SETD5: variants seen among roughly 807,000 people sequenced by gnomAD.
The protein encoded by SETD5 is SET domain containing 5, also known as histone-lysine N-methyltransferase SETD5.
SETD5 carries 44 observed loss-of-function variants against 153.3 expected under a neutral mutation model. The ratio of observed to expected loss-of-function variants is 0.29; its 90% CI spans 0.23 to 0.37. The LOEUF is 0.37. Ranked by LOEUF, SETD5 falls within the 10% of genes least tolerant of loss-of-function variation. The pLI, the probability that SETD5 is intolerant of heterozygous loss-of-function variation, is 1.00. For synonymous variants in SETD5, 716 were observed against 645.2 expected, an observed-to-expected ratio of 1.11 and a Z score of -1.66; for missense variants, 1,544 against 1,768.0, an observed-to-expected ratio of 0.87 and a Z score of 2.27.
Position 9,434,842 on chromosome 3 carries a change from G to T in SETD5, c.348G>T (p.Lys116Asn), listed in dbSNP as rs1368025017. The change falls in exon 6 of 23, where the codon AAG (lysine) becomes AAT (asparagine). Residue 116 changes from lysine (K) to asparagine (N), a missense_variant. Physicochemically the swap from Lys to Asn is moderately conservative, Grantham distance 94. Coordinates refer to ENST00000402198, the MANE Select transcript of SETD5 (RefSeq NM_001080517.3). This position sits in a 1 kb window ranked among gnomAD's most constrained non-coding sequence, Gnocchi z 5.6. ...TCTTTAGGGGAATGAGCAGGGGGAAGGTTATTAGACTTCATCGGCGGAAGC... is the reference window on the plus strand; with the variant it reads ...TCTTTAGGGGAATGAGCAGGGGGAATGTTATTAGACTTCATCGGCGGAAGC... ...CDKCRGMSRG[K>N]VIRLHRRKQD... The T allele has an allele frequency of 6.2e-7, 1 of 1,613,564 alleles. No individual in the cohort carries two copies. Among genetic ancestry groups the T allele is most frequent in the Non-Finnish European group, 8.5e-7 (1 of 1,179,766 alleles).
At chr3:9,411,906 C>G (rs1381878055) in intron 1 of SETD5, among the ~76,000 whole-genome samples, 1 of 152,122 alleles carries the variant, frequency 6.6e-6, no homozygotes, top group African/African-American at 2.4e-5. Flanking sequence ...TCTGACTTCA[C>G]AAGTATACCA....
chr3:9,404,434 A>G (rs562991850), intron 1 of SETD5, among the ~76,000 whole-genome samples: 1 of 152,320 alleles, frequency 6.6e-6, no homozygotes, highest in Non-Finnish European at 1.5e-5. Flanking sequence ...TATTATTGTA[A>G]TTAGTTGGAA....
chr3:9,421,058 A>T (rs75962927), intron 1 of SETD5, among the ~76,000 whole-genome samples: 13 of 143,484 alleles, frequency 9.1e-5, no homozygotes, highest in South Asian at 2.2e-4. Context: ...CACAACAGGT[A>T]TTTTTTTTTT....
chr3:9,431,360 C>G, intron 3 of SETD5: 1 of 985,270 alleles, frequency 1.0e-6, no homozygotes, highest in Admixed American at 6.1e-5. Context: ...GTGTCCAATT[C>G]AGTGATAGGA....
At chr3:9,475,401 G>A in intron 22 of SETD5, 82 bp from the exon 23 acceptor site, 1 of 1,514,982 alleles carries the variant, frequency 6.6e-7, no homozygotes, top group Non-Finnish European at 8.8e-7. Flanking sequence ...GAAGAAAAAA[G>A]AATGTAGGGT....
intron 19 of SETD5, among the ~76,000 whole-genome samples, chr3:9,471,786 C>A (rs1172599297): frequency 6.6e-6 from 1 of 152,154 alleles, no homozygotes; most frequent in African/African-American, 2.4e-5. Flanking sequence ...ATTTATTGAG[C>A]AGGGCCAGGG....
At chr3:9,452,403 T>C (rs973782204) in intron 16 of SETD5, among the ~76,000 whole-genome samples, 1 of 152,232 alleles carries the variant, frequency 6.6e-6, no homozygotes, top group African/African-American at 2.4e-5. Flanking sequence ...GCTTTAAGGC[T>C]ATATGTATGG....
intron 17 of SETD5, among the ~76,000 whole-genome samples, chr3:9,455,887 C>T (rs2043178553): frequency 6.6e-6 from 1 of 152,158 alleles, no homozygotes; most frequent in Admixed American, 6.5e-5. Context: ...TATTGTTGAG[C>T]TTCTGCCCTA....
chr3:9,414,775 T>C (rs1043574815), intron 1 of SETD5, among the ~76,000 whole-genome samples: 2 of 152,128 alleles, frequency 1.3e-5, no homozygotes, highest in African/African-American at 4.8e-5. Flanking sequence ...AAGTTATTAA[T>C]GGAGGTCTTC....
chr3:9,469,433 C>T (rs1242337662), intron 18 of SETD5, among the ~76,000 whole-genome samples: 1 of 152,122 alleles, frequency 6.6e-6, no homozygotes, highest in Admixed American at 6.5e-5. Context: ...TAACCCTATC[C>T]CCTTCCAATA....
intron 1 of SETD5, among the ~76,000 whole-genome samples, chr3:9,406,748 T>C (rs144612933): frequency 3.0e-4 from 46 of 152,264 alleles, no homozygotes; most frequent in African/African-American, 1.1e-3. Context: ...AATTTAGTAA[T>C]AGAACAAAAT....
chr3:9,421,072 T>TA (rs2038321054), intron 1 of SETD5, among the ~76,000 whole-genome samples: 2 of 151,894 alleles, frequency 1.3e-5, no homozygotes, highest in Admixed American at 1.3e-4. Flanking sequence ...TTTTTTTTTT[T>TA]ATTGTACAGA....
chr3:9,475,836 A>C lies in SETD5; in HGVS notation c.4074A>C (p.Ser1358=), dbSNP rs200296385. Residue 1358 remains serine (S), a synonymous_variant, in exon 23 of 23, where the codon TCA becomes TCC. Transcript: ENST00000402198. ...AGGGACCCTCAGACTCGCCAACCTC[A>C]GATTCAGTTTCTCAGTCCAGCACAG... ...TLQGPSDSPT[S]DSVSQSSTGT... 1 of 1,613,878 alleles carries C rather than the reference A, an allele frequency of 6.2e-7. No homozygotes were observed. Among genetic ancestry groups the C allele is most frequent in the Non-Finnish European group, 8.5e-7 (1 of 1,179,884 alleles).
At chr3:9,440,828 G>C (rs2041188061) in intron 8 of SETD5, 130 bp downstream of exon 8, 1 of 1,201,920 alleles carries the variant, frequency 8.3e-7, no homozygotes, top group African/African-American at 1.5e-5. Flanking sequence ...GCCAGGTGTT[G>C]ATCATATGTA....
At chr3:9,445,020 A>G in intron 11 of SETD5, 28 bp from the exon 12 acceptor site, 4 of 1,606,162 alleles carry the variant, frequency 2.5e-6, no homozygotes, top group Non-Finnish European at 3.4e-6. Context: ...GTACTGAGAC[A>G]GGCATTTTGG....
At chr3:9,456,191 G>C (rs1165372366) in intron 17 of SETD5, among the ~76,000 whole-genome samples, 1 of 141,844 alleles carries the variant, frequency 7.1e-6, no homozygotes, top group Non-Finnish European at 1.5e-5. Flanking sequence ...AGAAGTCTCT[G>C]AGGCTAGGCG....
intron 7 of SETD5, among the ~76,000 whole-genome samples, chr3:9,437,664 A>G (rs891473280): frequency 6.6e-6 from 1 of 152,132 alleles, no homozygotes; most frequent in Non-Finnish European, 1.5e-5. Context: ...AAATGATACA[A>G]AAGCAGGATC....
At chr3:9,399,406 TC>T (rs2034360286) in intron 1 of SETD5, among the ~76,000 whole-genome samples, 1 of 152,194 alleles carries the variant, frequency 6.6e-6, no homozygotes, top group Admixed American at 6.5e-5. Flanking sequence ...ATCAGAGGTT[TC>T]TGGGCTCCAT....
rs186330961 is a variant in SETD5 at position 9,415,761 on chromosome 3, T to C, written c.-176-8706T>C. Among the ~76,000 whole-genome samples the C allele has an allele frequency of 8.5e-5, 13 of 152,106 alleles. No individual in the cohort carries two copies. In the East Asian group the frequency reaches 1.9e-3, roughly 23 times the overall value. ...TGCACCACCACTCCTGGCTGTCTTA[T>C]TGTGTTGCCCAGGGTGGCCTCAAAA... On this transcript the variant is annotated intron_variant, in intron 1 of 22. Transcript: ENST00000402198.
Sources: gnomAD v4.1 joint callset for allele counts (sites outside exome capture counted in the v4.1 genomes callset) on GRCh38, gnomAD v4.1.1 for gene constraint, Gnocchi (gnomAD v3.1) non-coding constraint, MANE v1.5 for transcripts, NCBI Gene and HGNC (gene_info 2026-07-23, HGNC 2026-07-21) for gene names.